The following ITSN2 variants were observed in gnomAD, a reference collection of about 807,000 sequenced individuals.
ITSN2 encodes the protein intersectin 2, also known as intersectin-2.
Under a neutral mutation model 243.7 loss-of-function variants are expected in ITSN2, and 156 were observed. That is an observed-to-expected ratio of 0.64 (90% CI 0.56 to 0.73). The LOEUF (loss-of-function observed/expected upper bound fraction) is 0.73. Among genes scored for constraint, ITSN2 ranks in the 30% least tolerant of loss-of-function variants. ITSN2 has a pLI of 0.00. For synonymous variants in ITSN2, 703 were observed against 699.9 expected (o/e 1.00, Z -0.07); for missense variants, 1,801 against 1,996.1 (o/e 0.90, Z 1.86).
At position 24,225,262 on chromosome 2, in the gene ITSN2, A is replaced by G. The variant is rs1057189687; in HGVS notation, c.3578-4196T>C. On this transcript the variant is annotated intron_variant, in intron 29 of 39. Coordinates refer to ENST00000355123, the MANE Select transcript of ITSN2 (RefSeq NM_006277.3). This position sits in a 1 kb window ranked among gnomAD's most constrained non-coding sequence, Gnocchi z 4.2. ...CTGTTTGAAACCAACCAACAAGCAC[A>G]CTTCTCCAACCCTGCCCCCTCCTCA... 2.0e-5 allele frequency among the ~76,000 whole-genome samples: 3 copies of G among 151,826 alleles called. No homozygotes were observed. In the South Asian group the frequency reaches 6.2e-4, roughly 32 times the overall value.
rs1411038633 is a variant in ITSN2 at position 24,251,317 on chromosome 2, A to AAAT, written c.3120+1027_3120+1028insATT. 2.1e-3 allele frequency among the ~76,000 whole-genome samples: 15 copies of AAAT among 7,084 alleles called. 3 individuals carry two copies. Among genetic ancestry groups the AAAT allele is most frequent in the South Asian group, 7.5e-3 (3 of 402 alleles). The allele number at this position is 7,084 out of a possible 152,430, so 4.6% of individuals were successfully genotyped here. ...AGAACTAAACTCCATCTCAAAAAAA[A>AAAT]AAAAAAATAAAATATATATATATAT... On this transcript the variant is annotated intron_variant, in intron 25 of 39. Transcript: ENST00000355123.
At chr2:24,216,689 G>C (rs950378872) in intron 31 of ITSN2, among the ~76,000 whole-genome samples, 1 of 152,128 alleles carries the variant, frequency 6.6e-6, no homozygotes, top group African/African-American at 2.4e-5. Context: ...AGGAGTTCAA[G>C]TTGGGTGCAG....
chr2:24,276,003 AAAAAACCTTAAGTATTT>A (rs1326501242), intron 17 of ITSN2, among the ~76,000 whole-genome samples, 154 bp from the exon 18 acceptor site: 1 of 152,240 alleles, frequency 6.6e-6, no homozygotes, highest in Non-Finnish European at 1.5e-5. Flanking sequence ...TAGATGATAA[AAAAAACCTTAAGTATTT>A]AAACCATATA....
chr2:24,298,160 TTTTG>T (rs1329424707), intron 13 of ITSN2, among the ~76,000 whole-genome samples: 2 of 151,472 alleles, frequency 1.3e-5, no homozygotes, highest in African/African-American at 2.4e-5. Context: ...GCCAGCTAAT[TTTTG>T]TTTGTTTGTT....
intron 29 of ITSN2, among the ~76,000 whole-genome samples, chr2:24,244,005 G>A (rs1673049575): frequency 6.6e-6 from 1 of 152,172 alleles, no homozygotes; most frequent in African/African-American, 2.4e-5. Flanking sequence ...GTGCTGTTTA[G>A]ATTGGGTATC....
chr2:24,237,958 T>C (rs1441906491), intron 29 of ITSN2, among the ~76,000 whole-genome samples: 1 of 152,194 alleles, frequency 6.6e-6, no homozygotes, highest in Non-Finnish European at 1.5e-5. Context: ...TTATAGTTCC[T>C]GGCTCTGTAT....
chr2:24,235,012 G>T (rs1671996471), intron 29 of ITSN2, among the ~76,000 whole-genome samples: 1 of 152,188 alleles, frequency 6.6e-6, no homozygotes, highest in Admixed American at 6.5e-5. Context: ...CAAAGGAAAT[G>T]AAAACTTATG....
intron 1 of ITSN2, among the ~76,000 whole-genome samples, chr2:24,349,640 T>C (rs189211728): frequency 9.0e-4 from 137 of 152,268 alleles, no homozygotes; most frequent in African/African-American, 3.2e-3. Context: ...CCAAACTATT[T>C]TTTTAAAGGA....
intron 20 of ITSN2, among the ~76,000 whole-genome samples, chr2:24,262,559 T>C (rs969108251): frequency 7.2e-5 from 11 of 152,204 alleles, no homozygotes; most frequent in Non-Finnish European, 1.3e-4. Flanking sequence ...CCTCTGCTTC[T>C]TGGTCCTTGT....
upstream of ITSN2, chr2:24,360,711 A>C (rs960996871): frequency 5.9e-5 from 9 of 152,674 alleles, no homozygotes; most frequent in African/African-American, 2.2e-4. Context: ...GTCGGGTCCG[A>C]AGCGCTCCTC....
intron 17 of ITSN2, among the ~76,000 whole-genome samples, chr2:24,280,167 A>G (rs1257244970): frequency 6.6e-6 from 1 of 152,264 alleles, no homozygotes; most frequent in Non-Finnish European, 1.5e-5. Flanking sequence ...AGGTTCCAGT[A>G]AAACATAACA....
At chr2:24,222,934 C>T (rs1395254587) in intron 29 of ITSN2, among the ~76,000 whole-genome samples, 1 of 152,128 alleles carries the variant, frequency 6.6e-6, no homozygotes, top group Non-Finnish European at 1.5e-5. Flanking sequence ...CCTTGGCCTC[C>T]CAAAGTGCTG....
intron 29 of ITSN2, among the ~76,000 whole-genome samples, chr2:24,236,428 G>A (rs770076667): frequency 3.3e-5 from 5 of 152,134 alleles, no homozygotes; most frequent in Non-Finnish European, 7.4e-5. Flanking sequence ...AGTGACTGTG[G>A]AAATGGTTGG....
intron 9 of ITSN2, among the ~76,000 whole-genome samples, chr2:24,302,457 CA>C (rs1360334992): frequency 1.3e-5 from 2 of 152,152 alleles, no homozygotes; most frequent in Non-Finnish European, 2.9e-5. Context: ...CTCAGCCTCC[CA>C]AAGTGCTGAG....
chr2:24,318,224 C>A (rs1461054181), intron 2 of ITSN2, among the ~76,000 whole-genome samples: 1 of 152,186 alleles, frequency 6.6e-6, no homozygotes. Flanking sequence ...TGGCTCACTG[C>A]AGCCTTGACA....
Position 24,313,501 on chromosome 2 carries a change from G to GA in ITSN2, c.146dup (p.Leu50ProfsTer12). ...CAGGGGCCGGCAGACCTGATTGTAGGAAAAAATTACGTGCTTGATCACCTG... is the reference window on the plus strand; with the variant it reads ...CAGGGGCCGGCAGACCTGATTGTAGGAAAAAAATTACGTGCTTGATCACCTG... On this transcript the variant is annotated frameshift_variant, in exon 4 of 40. Transcript: ENST00000355123. LOFTEE classifies it high-confidence loss of function. The GA allele has an allele frequency of 6.2e-7, 1 of 1,612,860 alleles. No homozygotes were observed. Among genetic ancestry groups the GA allele is most frequent in the Non-Finnish European group, 8.5e-7 (1 of 1,179,352 alleles).
At chr2:24,311,882 G>T (rs140770003) in intron 5 of ITSN2, among the ~76,000 whole-genome samples, 491 of 152,190 alleles carry the variant, frequency 3.2e-3, no homozygotes, top group East Asian at 8.9e-3. Context: ...CATATATATA[G>T]AGAGAGAGGA....
At chr2:24,317,801 G>A (rs2151781919) in intron 2 of ITSN2, among the ~76,000 whole-genome samples, 1 of 152,312 alleles carries the variant, frequency 6.6e-6, no homozygotes, top group Middle Eastern at 3.4e-3. Flanking sequence ...ACCACTGCAT[G>A]CCAAACTGTG....
At chr2:24,299,801 G>C (rs1681489315) in intron 12 of ITSN2, 108 bp downstream of exon 12, 1 of 906,182 alleles carries the variant, frequency 1.1e-6, no homozygotes, top group African/African-American at 1.7e-5. Flanking sequence ...ATGATGCAGA[G>C]CAAAAGGCAA....
Sources: allele counts gnomAD v4.1 joint callset (sites outside exome capture counted in the v4.1 genomes callset), GRCh38; gene constraint gnomAD v4.1.1; non-coding constraint Gnocchi (gnomAD v3.1); transcripts MANE v1.5; gene names NCBI Gene and HGNC (gene_info 2026-07-23, HGNC 2026-07-21).